The following UNC5D variants were observed in gnomAD, a reference collection of about 807,000 sequenced individuals.
The protein encoded by UNC5D is unc-5 netrin receptor D, also known as netrin receptor UNC5D.
In UNC5D, 39 loss-of-function variants were observed where a neutral mutation model predicts 105.4. That is an observed-to-expected ratio of 0.37 (90% confidence interval 0.29 to 0.48). UNC5D has a LOEUF of 0.48. Ranked by LOEUF, UNC5D falls within the 20% of genes least tolerant of loss-of-function variation. The pLI is 0.98. For missense variants in UNC5D, 991 were observed against 1,202.4 expected (o/e 0.82, Z 2.60); for synonymous variants, 452 against 450.4 (o/e 1.00, Z -0.04).
chr8:35,278,377 G>C (rs558160161), intron 1 of UNC5D, among the ~76,000 whole-genome samples: 74 of 152,202 alleles, frequency 4.9e-4, no homozygotes, highest in Admixed American at 3.3e-3. Context: ...GTTTTCCTCA[G>C]TCTGACTCCA....
chr8:35,428,962 A>G (rs1417671728), intron 1 of UNC5D, among the ~76,000 whole-genome samples: 1 of 152,146 alleles, frequency 6.6e-6, no homozygotes, highest in Non-Finnish European at 1.5e-5. Context: ...TTGATTCGTC[A>G]TTGAGAAAAT....
intron 1 of UNC5D, among the ~76,000 whole-genome samples, chr8:35,284,805 G>T (rs576268742): frequency 2.6e-5 from 4 of 152,150 alleles, no homozygotes; most frequent in African/African-American, 9.6e-5. Context: ...CTCGTGACCC[G>T]CCTGCCTCAG....
chr8:35,653,175 A>C (rs1196762655), intron 4 of UNC5D, among the ~76,000 whole-genome samples: 2 of 151,954 alleles, frequency 1.3e-5, no homozygotes, highest in Non-Finnish European at 2.9e-5. Context: ...TGATTCGCCC[A>C]CTTCAGCCTC....
intron 3 of UNC5D, among the ~76,000 whole-genome samples, chr8:35,587,479 CTCAT>C (rs1164529462): frequency 2.0e-5 from 3 of 152,166 alleles, no homozygotes; most frequent in Non-Finnish European, 4.4e-5. Flanking sequence ...ATTACATTTG[CTCAT>C]TCATTCATTC....
At chr8:35,388,166 G>A (rs1026368820) in intron 1 of UNC5D, among the ~76,000 whole-genome samples, 2 of 152,008 alleles carry the variant, frequency 1.3e-5, no homozygotes, top group African/African-American at 4.8e-5. Flanking sequence ...TTGAGGTCAG[G>A]AGTTCAAGAC....
chr8:35,707,096 A>T (rs1345934406), intron 8 of UNC5D, among the ~76,000 whole-genome samples: 1 of 152,184 alleles, frequency 6.6e-6, no homozygotes, highest in Non-Finnish European at 1.5e-5. Context: ...AGGGTATTAA[A>T]ATTCAAAGAG....
intron 16 of UNC5D, among the ~76,000 whole-genome samples, chr8:35,787,025 C>T (rs77998468): frequency 0.011 from 1,723 of 152,288 alleles, 32 homozygotes; most frequent in African/African-American, 0.04. Flanking sequence ...CAGCCACGCT[C>T]ATTCACTTAA....
At chr8:35,354,625 G>A (rs1266129678) in intron 1 of UNC5D, among the ~76,000 whole-genome samples, 2 of 152,112 alleles carry the variant, frequency 1.3e-5, no homozygotes, top group Non-Finnish European at 2.9e-5. Context: ...CAGAAAAGCA[G>A]GTTGTTACTT....
At chr8:35,532,415 C>T (rs1172860017) in intron 1 of UNC5D, among the ~76,000 whole-genome samples, 3 of 127,544 alleles carry the variant, frequency 2.4e-5, no homozygotes, top group African/African-American at 6.5e-5. Flanking sequence ...CCGAGAGATC[C>T]GCTGTTAGTC....
chr8:35,581,389 A>G (rs1366614637), intron 3 of UNC5D, among the ~76,000 whole-genome samples: 2 of 152,062 alleles, frequency 1.3e-5, no homozygotes, highest in East Asian at 1.9e-4. Flanking sequence ...ATCCACTTGG[A>G]TATCCAGTAG....
At chr8:35,438,824 C>T (rs1301273283) in intron 1 of UNC5D, among the ~76,000 whole-genome samples, 1 of 151,970 alleles carries the variant, frequency 6.6e-6, no homozygotes, top group Non-Finnish European at 1.5e-5. Flanking sequence ...TATCCAAGAA[C>T]AGGGAACATT....
At chr8:35,374,872 G>A (rs929099229) in intron 1 of UNC5D, among the ~76,000 whole-genome samples, 1 of 152,204 alleles carries the variant, frequency 6.6e-6, no homozygotes, top group Non-Finnish European at 1.5e-5. Context: ...CTTTAATGAG[G>A]AGGTAAGACT....
intron 16 of UNC5D, among the ~76,000 whole-genome samples, chr8:35,786,627 T>G (rs1401751982): frequency 3.3e-5 from 5 of 152,312 alleles, no homozygotes; most frequent in African/African-American, 1.2e-4. Context: ...TGTCATGTCT[T>G]GAAATGTCAA....
At chr8:35,515,826 A>C (rs1387522183) in intron 1 of UNC5D, among the ~76,000 whole-genome samples, 1 of 152,200 alleles carries the variant, frequency 6.6e-6, no homozygotes, top group Non-Finnish European at 1.5e-5. Flanking sequence ...TATTGCTGCT[A>C]TCAAAAGAAT....
At chr8:35,434,246 A>G (rs1419960586) in intron 1 of UNC5D, among the ~76,000 whole-genome samples, 2 of 152,088 alleles carry the variant, frequency 1.3e-5, no homozygotes, top group Non-Finnish European at 2.9e-5. Context: ...TAAAATTGAA[A>G]TATGGAAATA....
At chr8:35,493,943 T>C (rs1811375529) in intron 1 of UNC5D, among the ~76,000 whole-genome samples, 1 of 152,172 alleles carries the variant, frequency 6.6e-6, no homozygotes, top group Admixed American at 6.5e-5. Context: ...GTTAATTTGA[T>C]TTTTAGTTAT....
At chr8:35,242,631 T>C (rs1411614218) in intron 1 of UNC5D, among the ~76,000 whole-genome samples, 1 of 152,038 alleles carries the variant, frequency 6.6e-6, no homozygotes. Flanking sequence ...GCATGCACCA[T>C]TGTGCCTGGC....
At chr8:35,306,136 C>G (rs1213942909) in intron 1 of UNC5D, among the ~76,000 whole-genome samples, 1 of 151,772 alleles carries the variant, frequency 6.6e-6, no homozygotes, top group East Asian at 1.9e-4. Context: ...GGGAATTTGT[C>G]TTAAACTATA....
intron 7 of UNC5D, among the ~76,000 whole-genome samples, chr8:35,693,458 TTATGATGGATGCGTA>T (rs1292702322): frequency 2.6e-5 from 4 of 152,176 alleles, no homozygotes; most frequent in African/African-American, 9.7e-5. Flanking sequence ...ATCCATTGGT[TTATGATGGATGCGTA>T]TTTCATAAGC....
Sources: allele counts gnomAD v4.1 joint callset (sites outside exome capture counted in the v4.1 genomes callset), GRCh38; gene constraint gnomAD v4.1.1; transcripts MANE v1.5; gene names NCBI Gene and HGNC (gene_info 2026-07-23, HGNC 2026-07-21).